The following MGAT4D variants were observed in gnomAD, a reference collection of about 807,000 sequenced individuals.
MGAT4D encodes the protein alpha-1,3-mannosyl-glycoprotein 4-beta-N-acetylglucosaminyltransferase-like protein MGAT4D.
Under a neutral mutation model 15.9 loss-of-function variants are expected in MGAT4D, and 34 were observed. The observed-to-expected ratio is 2.14, with a 90% CI of 1.62 to 2.84. The LOEUF (loss-of-function observed/expected upper bound fraction) is 2.84, where lower values mean the gene tolerates loss of function less well. Ranked by LOEUF, MGAT4D falls within the 30% of genes most tolerant of loss-of-function variation. The probability of loss-of-function intolerance (pLI) is 0.00; values close to 1 mark genes in which losing one functional copy is unlikely to be tolerated. For missense variants in MGAT4D, 327 were observed against 140.2 expected (o/e 2.33, Z -6.73); for synonymous variants, 112 against 48.2 (o/e 2.33, Z -5.49).
intron 1 of MGAT4D, among the ~76,000 whole-genome samples, chr4:140,489,891 G>T (rs1733392918): frequency 6.6e-6 from 1 of 152,128 alleles, no homozygotes; most frequent in Non-Finnish European, 1.5e-5. Context: ...CAACATATAT[G>T]GTATAGGTAC....
chr4:140,461,852 A>T (rs1731197114), intron 7 of MGAT4D, 77 bp downstream of exon 7: 3 of 468,032 alleles, frequency 6.4e-6, no homozygotes. Flanking sequence ...AATTTAAATT[A>T]TATCTATCTA....
At chr4:140,492,751 G>A (rs567255549) in intron 1 of MGAT4D, among the ~76,000 whole-genome samples, 1 of 152,266 alleles carries the variant, frequency 6.6e-6, no homozygotes, top group African/African-American at 2.4e-5. Flanking sequence ...GAAAGGAAAA[G>A]AAAGTTTCAA....
intron 1 of MGAT4D, among the ~76,000 whole-genome samples, chr4:140,487,049 C>A (rs1420129915): frequency 6.6e-6 from 1 of 152,126 alleles, no homozygotes; most frequent in African/African-American, 2.4e-5. Context: ...GAGTTTTCTC[C>A]AGAGGAAGCA....
chr4:140,460,518 G>T (rs1052471740), intron 7 of MGAT4D, among the ~76,000 whole-genome samples: 2 of 152,170 alleles, frequency 1.3e-5, no homozygotes, highest in South Asian at 4.1e-4. Flanking sequence ...TATCACCTTG[G>T]GGGTGAGAAT....
At chr4:140,489,986 A>G (rs1560802263) in intron 1 of MGAT4D, among the ~76,000 whole-genome samples, 1 of 152,176 alleles carries the variant, frequency 6.6e-6, no homozygotes, top group Non-Finnish European at 1.5e-5. Flanking sequence ...AATTCCTAAG[A>G]CATAGGAAAG....
intron 6 of MGAT4D, 130 bp from the exon 7 acceptor site, chr4:140,462,134 CTTAA>C (rs1247602575): frequency 9.5e-6 from 5 of 524,112 alleles, no homozygotes; most frequent in South Asian, 3.4e-5. Flanking sequence ...ACTAATTTTA[CTTAA>C]TTAATTTCAA....
intron 8 of MGAT4D, chr4:140,458,916 G>C (rs1462538316): frequency 1.3e-5 from 2 of 151,956 alleles, no homozygotes; most frequent in African/African-American, 2.4e-5. Flanking sequence ...AATATAAGCA[G>C]TATGGTAATA....
At chr4:140,493,066 T>G (rs16998465) in intron 1 of MGAT4D, among the ~76,000 whole-genome samples, 1 of 152,044 alleles carries the variant, frequency 6.6e-6, no homozygotes, top group Non-Finnish European at 1.5e-5. Flanking sequence ...TTATTCCCAC[T>G]ATACAAATTC....
rs956697637 is a variant in MGAT4D, at chr4:140,498,112, G to C, written c.94+17C>G. On this transcript the variant is annotated intron_variant, in intron 1 of 10. Transcript: ENST00000511113. ...CCCGCGGCGGGAAAGGAGGCGGGAG[G>C]AGGGCCCGCCGCTTACTGGTTTGAG... The C allele has an allele frequency of 2.9e-6, 2 of 696,168 alleles. No homozygotes were observed. The highest frequency in any genetic ancestry group is 3.5e-5 in the African/African-American group (2 of 56,444). The allele number at this position is 696,168 out of a possible 1,614,324, so 43.1% of individuals were successfully genotyped here.
At chr4:140,492,931 G>GA (rs1391241907) in intron 1 of MGAT4D, among the ~76,000 whole-genome samples, 3 of 152,122 alleles carry the variant, frequency 2.0e-5, no homozygotes, top group Non-Finnish European at 4.4e-5. Context: ...GGAGTTACTG[G>GA]AAAAATAAAA....
At chr4:140,456,814 T>C (rs771611324) in intron 8 of MGAT4D, 95 bp from the exon 9 acceptor site, 20 of 525,924 alleles carry the variant, frequency 3.8e-5, no homozygotes, top group African/African-American at 5.8e-5. Context: ...AATTTAAATA[T>C]GTCCCATTCC....
chr4:140,471,863 CATAGTTCTATTA>C (rs919631417), intron 4 of MGAT4D, 42 bp from the exon 5 acceptor site: 13 of 394,774 alleles, frequency 3.3e-5, no homozygotes, highest in Non-Finnish European at 5.5e-5. Context: ...AAGCATGTCT[CATAGTTCTATTA>C]ATACAACTTC....
intron 2 of MGAT4D, among the ~76,000 whole-genome samples, chr4:140,481,419 C>A (rs1732722803): frequency 6.6e-6 from 1 of 152,180 alleles, no homozygotes; most frequent in East Asian, 1.9e-4. Context: ...TAACATTAAA[C>A]ATATACTTAC....
chr4:140,470,008 G>T (rs756105221), intron 5 of MGAT4D, among the ~76,000 whole-genome samples: 1 of 152,214 alleles, frequency 6.6e-6, no homozygotes, highest in African/African-American at 2.4e-5. Flanking sequence ...CCTGGAAGGC[G>T]GTCGAAGCCA....
intron 9 of MGAT4D, among the ~76,000 whole-genome samples, chr4:140,453,173 T>C (rs1730580993): frequency 6.6e-6 from 1 of 152,208 alleles, no homozygotes; most frequent in South Asian, 2.1e-4. Flanking sequence ...AGCTTTCAGA[T>C]TGAATAATGT....
intron 5 of MGAT4D, among the ~76,000 whole-genome samples, chr4:140,471,332 G>C (rs1025156134): frequency 6.2e-5 from 9 of 144,528 alleles, no homozygotes; most frequent in Non-Finnish European, 1.0e-4. Flanking sequence ...TCACCTATTT[G>C]AACTTAGGAT....
intron 5 of MGAT4D, among the ~76,000 whole-genome samples, chr4:140,467,201 A>G (rs1212941984): frequency 6.6e-6 from 1 of 152,122 alleles, no homozygotes; most frequent in Non-Finnish European, 1.5e-5. Flanking sequence ...AAAGATTTTT[A>G]AAAAACGAAT....
intron 3 of MGAT4D, among the ~76,000 whole-genome samples, chr4:140,479,197 A>T (rs1487347397): frequency 2.6e-5 from 4 of 152,244 alleles, no homozygotes; most frequent in Non-Finnish European, 5.9e-5. Flanking sequence ...ACCAAAAACA[A>T]CGAGAAAAGA....
At chr4:140,467,339 TTAAAC>T (rs1281725010) in intron 5 of MGAT4D, among the ~76,000 whole-genome samples, 1 of 152,162 alleles carries the variant, frequency 6.6e-6, no homozygotes, top group Non-Finnish European at 1.5e-5. Flanking sequence ...TTGTGTAACT[TTAAAC>T]TACAAGATCT....
Sources: allele counts gnomAD v4.1 joint callset (sites outside exome capture counted in the v4.1 genomes callset), GRCh38; gene constraint gnomAD v4.1.1; transcripts MANE v1.5; gene names NCBI Gene and HGNC (gene_info 2026-07-23, HGNC 2026-07-21).